Variants in BACH2 observed in about 807,000 individuals in gnomAD.
BACH2 encodes BACH transcriptional regulator 2.
A neutral mutation model predicts 61.8 loss-of-function variants in BACH2; 5 were observed. That is an observed-to-expected ratio of 0.08 (90% CI 0.04 to 0.17). The LOEUF (loss-of-function observed/expected upper bound fraction) is 0.17, where lower values mean the gene tolerates loss of function less well. BACH2 is among the 10% of genes least tolerant of loss of function. The pLI is 1.00. For missense variants in BACH2, 824 were observed against 1,091.1 expected, an observed-to-expected ratio of 0.76 and a Z score of 3.45; for synonymous variants, 446 against 440.1, an observed-to-expected ratio of 1.01 and a Z score of -0.17.
intron 5 of BACH2, among the ~76,000 whole-genome samples, chr6:90,011,369 A>G (rs1777697666): frequency 6.6e-6 from 1 of 152,040 alleles, no homozygotes; most frequent in Admixed American, 6.5e-5. Context: ...ACATGTATGA[A>G]TCTATTTATG....
intron 4 of BACH2, among the ~76,000 whole-genome samples, chr6:90,201,810 C>A (rs1201626344): frequency 2.0e-5 from 3 of 152,066 alleles, no homozygotes; most frequent in Non-Finnish European, 4.4e-5. Flanking sequence ...CAAAGTCTGC[C>A]ACAAGGAGGA....
intron 4 of BACH2, among the ~76,000 whole-genome samples, chr6:90,145,625 T>C (rs1316435414): frequency 2.0e-5 from 3 of 152,222 alleles, no homozygotes; most frequent in African/African-American, 4.8e-5. Context: ...TTTCTGCAGA[T>C]ATATCCTTTA....
intron 1 of BACH2, among the ~76,000 whole-genome samples, chr6:90,296,076 G>A (rs945975763): frequency 6.7e-4 from 102 of 152,084 alleles, no homozygotes; most frequent in Non-Finnish European, 8.8e-4. Flanking sequence ...GCAGGGCCGC[G>A]GGTCTGACAG....
intron 6 of BACH2, among the ~76,000 whole-genome samples, chr6:89,985,553 C>T (rs1357899472): frequency 1.3e-5 from 2 of 152,132 alleles, no homozygotes; most frequent in East Asian, 1.9e-4. Flanking sequence ...CACAGGGCTG[C>T]CCCTGGGGCA....
intron 3 of BACH2, among the ~76,000 whole-genome samples, chr6:90,207,579 T>G (rs1254957304): frequency 6.6e-6 from 1 of 152,228 alleles, no homozygotes; most frequent in Non-Finnish European, 1.5e-5. Context: ...GTTATTTTTT[T>G]AAGTTGCATC....
chr6:90,071,107 G>A (rs997453605), intron 5 of BACH2, among the ~76,000 whole-genome samples: 4 of 152,248 alleles, frequency 2.6e-5, no homozygotes, highest in Admixed American at 2.0e-4. Context: ...CGTCTTGGCT[G>A]CCCAAAGCAT....
intron 1 of BACH2, among the ~76,000 whole-genome samples, chr6:90,287,672 G>T (rs1307753281): frequency 6.6e-6 from 1 of 152,078 alleles, no homozygotes; most frequent in East Asian, 1.9e-4. Context: ...CTCTGCCTAG[G>T]GTTGTGTTTA....
intron 5 of BACH2, among the ~76,000 whole-genome samples, chr6:90,028,699 G>A (rs1276607169): frequency 6.6e-6 from 1 of 152,150 alleles, no homozygotes. Flanking sequence ...AGAATAGTAA[G>A]CACCCATTAG....
intron 4 of BACH2, among the ~76,000 whole-genome samples, chr6:90,128,391 G>T (rs1298716148): frequency 6.6e-6 from 1 of 152,140 alleles, no homozygotes; most frequent in African/African-American, 2.4e-5. Flanking sequence ...GACCATTCTG[G>T]CCAACATGGT....
chr6:90,008,522 C>A lies in BACH2; in HGVS notation c.243+80G>T. 1 of 1,564,370 alleles carries A rather than the reference C, an allele frequency of 6.4e-7. No homozygotes were observed. The highest frequency in any genetic ancestry group is 8.7e-7 in the Non-Finnish European group (1 of 1,149,380). On this transcript the variant is annotated intron_variant, in intron 6 of 8. Coordinates refer to ENST00000257749, the MANE Select transcript of BACH2 (RefSeq NM_021813.4). The surrounding 1 kb of genome is among the most constrained non-coding windows in gnomAD (Gnocchi z 4.1). Reference sequence around the variant, plus strand: ...CTGAGTGGGGACATGGCACCTAGTACATCTTCTAGCTCCTAGTCAGCCAGT... The same window carrying A: ...CTGAGTGGGGACATGGCACCTAGTAAATCTTCTAGCTCCTAGTCAGCCAGT...
chr6:90,295,482 G>A (rs945347631), intron 1 of BACH2, among the ~76,000 whole-genome samples: 3 of 152,042 alleles, frequency 2.0e-5, no homozygotes, highest in Non-Finnish European at 2.9e-5. Flanking sequence ...AGGGTAGCCC[G>A]TGAGCGCCGC....
At chr6:90,164,816 A>C (rs1306312297) in intron 4 of BACH2, among the ~76,000 whole-genome samples, 2 of 152,344 alleles carry the variant, frequency 1.3e-5, no homozygotes, top group African/African-American at 4.8e-5. Context: ...CAAAAACCAC[A>C]TGATTATCTC....
intron 3 of BACH2, among the ~76,000 whole-genome samples, chr6:90,235,395 G>A (rs559260858): frequency 6.6e-6 from 1 of 152,334 alleles, no homozygotes; most frequent in Admixed American, 6.5e-5. Flanking sequence ...TTATGTCAAA[G>A]TAGATAAAGC....
chr6:90,266,135 T>C (rs767452985), intron 2 of BACH2, among the ~76,000 whole-genome samples: 4 of 152,132 alleles, frequency 2.6e-5, no homozygotes, highest in Admixed American at 2.6e-4. Context: ...CATGGAGGAA[T>C]AGCCATGAAT....
At chr6:89,936,003 G>C (rs1772999479) in intron 8 of BACH2, among the ~76,000 whole-genome samples, 1 of 152,200 alleles carries the variant, frequency 6.6e-6, no homozygotes, top group Non-Finnish European at 1.5e-5. Flanking sequence ...AGCAATATTT[G>C]AAAGAAAGAA....
At chr6:90,013,909 G>C (rs1777871646) in intron 5 of BACH2, among the ~76,000 whole-genome samples, 1 of 151,950 alleles carries the variant, frequency 6.6e-6, no homozygotes, top group Non-Finnish European at 1.5e-5. Context: ...CTCCTGAGTA[G>C]CTAGGACTAC....
At chr6:90,093,853 A>G (rs1182870663) in intron 4 of BACH2, among the ~76,000 whole-genome samples, 1 of 152,224 alleles carries the variant, frequency 6.6e-6, no homozygotes, top group Non-Finnish European at 1.5e-5. Context: ...GAAGTAGCTC[A>G]CCAGACTGCT....
chr6:90,079,486 A>G (rs1233156003), intron 5 of BACH2, among the ~76,000 whole-genome samples: 1 of 152,200 alleles, frequency 6.6e-6, no homozygotes, highest in Non-Finnish European at 1.5e-5. Context: ...CCTTCCATCA[A>G]CACAATTTGT....
intron 2 of BACH2, among the ~76,000 whole-genome samples, chr6:90,255,936 T>G (rs571200104): frequency 1.3e-5 from 2 of 152,310 alleles, no homozygotes; most frequent in Admixed American, 1.3e-4. Context: ...ACTATGCCCT[T>G]CTCATATCAA....
Sources: allele counts gnomAD v4.1 joint callset (sites outside exome capture counted in the v4.1 genomes callset), GRCh38; gene constraint gnomAD v4.1.1; non-coding constraint Gnocchi (gnomAD v3.1); transcripts MANE v1.5; gene names NCBI Gene and HGNC (gene_info 2026-07-23, HGNC 2026-07-21).